ZNF385D: variants seen among roughly 807,000 people sequenced by gnomAD.
The protein encoded by ZNF385D is zinc finger protein 659.
Under a neutral mutation model 35.8 loss-of-function variants are expected in ZNF385D, and 15 were observed. That is an observed-to-expected ratio of 0.42 (90% CI 0.28 to 0.64). The LOEUF (loss-of-function observed/expected upper bound fraction) is 0.64. ZNF385D is among the 30% of genes least tolerant of loss of function. The probability of loss-of-function intolerance (pLI) is 0.23; values close to 1 mark genes in which losing one functional copy is unlikely to be tolerated. For synonymous variants in ZNF385D, 212 were observed against 186.8 expected (o/e 1.13, Z -1.10); for missense variants, 474 against 494.6 (o/e 0.96, Z 0.39).
chr3:21,532,679 T>TC (rs909913727), intron 3 of ZNF385D, among the ~76,000 whole-genome samples: 2 of 134,556 alleles, frequency 1.5e-5, no homozygotes, highest in Non-Finnish European at 3.3e-5. Flanking sequence ...GAATAATATT[T>TC]CCAAAAAAAA....
intron 2 of ZNF385D, among the ~76,000 whole-genome samples, chr3:21,597,223 G>A (rs2064151674): frequency 6.6e-6 from 1 of 151,628 alleles, no homozygotes; most frequent in Non-Finnish European, 1.5e-5. Context: ...TCCTTGGTGG[G>A]GACACTCATA....
chr3:21,570,752 C>G (rs2063311162), intron 2 of ZNF385D, among the ~76,000 whole-genome samples: 1 of 152,062 alleles, frequency 6.6e-6, no homozygotes, highest in Admixed American at 6.6e-5. Context: ...ACACAAGCCT[C>G]CCACCATACC....
At chr3:21,444,273 G>T (rs558239169) in intron 4 of ZNF385D, among the ~76,000 whole-genome samples, 1 of 151,018 alleles carries the variant, frequency 6.6e-6, no homozygotes, top group East Asian at 2.0e-4. Context: ...ATAGACATGG[G>T]GTTTCACCAT....
intron 1 of ZNF385D, among the ~76,000 whole-genome samples, chr3:21,742,429 G>T (rs1049832043): frequency 6.6e-6 from 1 of 152,162 alleles, no homozygotes; most frequent in African/African-American, 2.4e-5. Flanking sequence ...TAGATCAGGG[G>T]CAAGATCTCT....
chr3:21,891,182 C>T (rs2244457), intron 3 of ZNF385D, among the ~76,000 whole-genome samples: 33,890 of 151,988 alleles, frequency 0.22, 3,830 homozygotes, highest in Middle Eastern at 0.3. Context: ...GCTTGACACG[C>T]AGAAGGTAAT....
At chr3:21,835,084 T>C (rs1695244730) in intron 3 of ZNF385D, among the ~76,000 whole-genome samples, 1 of 152,140 alleles carries the variant, frequency 6.6e-6, no homozygotes, top group Non-Finnish European at 1.5e-5. Flanking sequence ...TGTTTATTGG[T>C]ATACAGTCAT....
chr3:22,114,651 A>G (rs1016574169), intron 3 of ZNF385D, among the ~76,000 whole-genome samples: 1 of 152,106 alleles, frequency 6.6e-6, no homozygotes, highest in Non-Finnish European at 1.5e-5. Context: ...TGTGTGGATT[A>G]TATCTCAGAG....
At position 22,321,400 on chromosome 3, in the gene ZNF385D, T is replaced by C. The variant is rs543052541; in HGVS notation, c.106+51050A>G. ...TTATTTTTGAGATGGAGTTTCACTC[T>C]TGTTGCCCAGGCTGGAGTGCAATGG... On this transcript the variant is annotated intron_variant, in intron 2 of 5. Transcript: ENST00000494108. Among the ~76,000 whole-genome samples, 294 of 152,186 alleles carry C rather than the reference T, an allele frequency of 1.9e-3. 1 individual carries two copies. Among genetic ancestry groups the C allele is most frequent in the African/African-American group, 6.8e-3 (283 of 41,536 alleles).
chr3:22,050,730 T>C (rs1699300232), intron 3 of ZNF385D, among the ~76,000 whole-genome samples: 1 of 152,238 alleles, frequency 6.6e-6, no homozygotes, highest in Admixed American at 6.5e-5. Flanking sequence ...ATTCTGAAAT[T>C]ATATTAATTC....
At chr3:21,874,784 G>C (rs1436357159) in intron 3 of ZNF385D, among the ~76,000 whole-genome samples, 1 of 151,986 alleles carries the variant, frequency 6.6e-6, no homozygotes, top group Non-Finnish European at 1.5e-5. Context: ...ATGTTATTGA[G>C]ATTTTAATTG....
At chr3:21,604,888 G>C (rs9862044) in intron 2 of ZNF385D, among the ~76,000 whole-genome samples, 3,197 of 152,246 alleles carry the variant, frequency 0.021, 102 homozygotes, top group African/African-American at 0.071. Flanking sequence ...TATTTATTTG[G>C]CTGTTTGTTT....
intron 1 of ZNF385D, among the ~76,000 whole-genome samples, chr3:21,676,260 C>T (rs1243506606): frequency 6.6e-6 from 1 of 152,056 alleles, no homozygotes; most frequent in Non-Finnish European, 1.5e-5. Flanking sequence ...CTTACAAACT[C>T]TATAATACCA....
chr3:22,189,176 C>G (rs925031946), intron 2 of ZNF385D, among the ~76,000 whole-genome samples: 1 of 152,102 alleles, frequency 6.6e-6, no homozygotes, highest in Non-Finnish European at 1.5e-5. Flanking sequence ...CAAGGTCATC[C>G]CTGACTTCTT....
intron 3 of ZNF385D, among the ~76,000 whole-genome samples, chr3:21,762,707 C>T (rs1419990121): frequency 6.6e-6 from 1 of 152,146 alleles, no homozygotes; most frequent in Non-Finnish European, 1.5e-5. Flanking sequence ...GACAGACAGC[C>T]TTTCACTGTC....
At chr3:21,894,984 A>G (rs1320699214) in intron 3 of ZNF385D, among the ~76,000 whole-genome samples, 2 of 152,118 alleles carry the variant, frequency 1.3e-5, no homozygotes, top group Non-Finnish European at 2.9e-5. Flanking sequence ...GGTGAGCACA[A>G]TAATGATGGC....
At chr3:21,477,769 C>G (rs1214864881) in intron 4 of ZNF385D, among the ~76,000 whole-genome samples, 1 of 152,180 alleles carries the variant, frequency 6.6e-6, no homozygotes, top group Non-Finnish European at 1.5e-5. Context: ...TCCCAAAAAT[C>G]TGTGCCAAAG....
intron 3 of ZNF385D, among the ~76,000 whole-genome samples, chr3:22,166,445 G>A (rs1301540931): frequency 1.3e-5 from 2 of 152,176 alleles, no homozygotes; most frequent in Non-Finnish European, 2.9e-5. Context: ...TCAAAGTACA[G>A]ATACTTAAGT....
chr3:21,509,744 A>G (rs796863356), intron 4 of ZNF385D, among the ~76,000 whole-genome samples: 13 of 152,286 alleles, frequency 8.5e-5, no homozygotes, highest in African/African-American at 2.4e-4. Context: ...GCTGAGGGAA[A>G]ACACAGGGCT....
chr3:22,224,346 G>A (rs1698433711), intron 2 of ZNF385D, among the ~76,000 whole-genome samples: 2 of 152,056 alleles, frequency 1.3e-5, no homozygotes, highest in Admixed American at 6.5e-5. Context: ...CCTCATAGAT[G>A]TATTTTATTT....
Sources: allele counts gnomAD v4.1 joint callset (sites outside exome capture counted in the v4.1 genomes callset), GRCh38; gene constraint gnomAD v4.1.1; transcripts MANE v1.5; gene names NCBI Gene and HGNC (gene_info 2026-07-23, HGNC 2026-07-21).